Variants in RANBP2 observed in about 807,000 individuals in gnomAD.
The protein encoded by RANBP2 is RAN binding protein 2.
In RANBP2, 57 loss-of-function variants were observed where a neutral mutation model predicts 303.6. The ratio of observed to expected loss-of-function variants is 0.19; its 90% CI spans 0.15 to 0.23. RANBP2 has a LOEUF of 0.23. Among genes scored for constraint, RANBP2 ranks in the 10% least tolerant of loss-of-function variants. RANBP2 has a pLI of 1.00. For missense variants in RANBP2, 3,138 were observed against 3,780.8 expected (o/e 0.83, Z 4.46); for synonymous variants, 1,167 against 1,301.5 (o/e 0.90, Z 2.23).
chr2:108,923,077 T>C, the RANBP2 span, among the ~76,000 whole-genome samples: 6 of 152,336 alleles, frequency 3.9e-5, no homozygotes, highest in Admixed American at 2.0e-4. Flanking sequence ...CAGATGTTAG[T>C]ACCCCCATAT....
At chr2:108,960,030 C>T in the RANBP2 span, among the ~76,000 whole-genome samples, 6 of 152,284 alleles carry the variant, frequency 3.9e-5, no homozygotes, top group East Asian at 5.8e-4. Context: ...AACGTGGCCA[C>T]GGTGGCTCTG....
At chr2:109,604,976 T>C in the RANBP2 span, 1 of 152,176 alleles carries the variant, frequency 6.6e-6, no homozygotes, top group East Asian at 1.9e-4. Context: ...CAGCACAGGT[T>C]TGATGCAACT....
chr2:109,126,156 G>A, the RANBP2 span, among the ~76,000 whole-genome samples: 1 of 152,220 alleles, frequency 6.6e-6, no homozygotes, highest in Non-Finnish European at 1.5e-5. Flanking sequence ...TGTTGCCTGG[G>A]GTTCACCCTG....
At chr2:109,428,330 C>T in the RANBP2 span, among the ~76,000 whole-genome samples, 1 of 152,236 alleles carries the variant, frequency 6.6e-6, no homozygotes, top group Non-Finnish European at 1.5e-5. Flanking sequence ...AATCTGCAGA[C>T]AATTAGCAGC....
At chr2:109,564,441 T>C in the RANBP2 span, 2 of 1,599,470 alleles carry the variant, frequency 1.3e-6, no homozygotes. Context: ...AAGCTCATAG[T>C]GCCTGGTATG....
At chr2:109,499,477 C>T in the RANBP2 span, among the ~76,000 whole-genome samples, 4 of 152,326 alleles carry the variant, frequency 2.6e-5, no homozygotes, top group Admixed American at 1.3e-4. Flanking sequence ...ACTGCACAAT[C>T]CTCACCCACA....
the RANBP2 span, among the ~76,000 whole-genome samples, chr2:108,977,462 C>T: frequency 1.3e-5 from 2 of 152,074 alleles, no homozygotes; most frequent in Non-Finnish European, 2.9e-5. Flanking sequence ...AGTAGAGACG[C>T]GGTTTCACTG....
At chr2:109,365,810 A>C in the RANBP2 span, among the ~76,000 whole-genome samples, 258 of 152,350 alleles carry the variant, frequency 1.7e-3, no homozygotes, top group African/African-American at 5.9e-3. Context: ...CTTGTGAACT[A>C]TGATCCTGCC....
the RANBP2 span, among the ~76,000 whole-genome samples, chr2:108,794,327 G>T: frequency 6.6e-6 from 1 of 151,850 alleles, no homozygotes; most frequent in Non-Finnish European, 1.5e-5. Context: ...TTACAGAAAA[G>T]TTGCAAAGAT....
the RANBP2 span, among the ~76,000 whole-genome samples, chr2:109,420,252 C>G: frequency 6.6e-6 from 1 of 152,178 alleles, no homozygotes; most frequent in Non-Finnish European, 1.5e-5. Context: ...AAGAATTAGA[C>G]TCCCTTTTGC....
At chr2:109,437,075 C>G in the RANBP2 span, 1 of 1,613,726 alleles carries the variant, frequency 6.2e-7, no homozygotes, top group Non-Finnish European at 8.5e-7. Flanking sequence ...ACAGCCTCGC[C>G]CCCAACAGGC....
the RANBP2 span, among the ~76,000 whole-genome samples, chr2:109,306,369 C>G: frequency 6.6e-6 from 1 of 152,248 alleles, no homozygotes; most frequent in Non-Finnish European, 1.5e-5. Flanking sequence ...TCCAGCAGCA[C>G]CTGCAGAGTG....
At chr2:109,794,608 C>CGGCCG in the RANBP2 span, 3,565 of 193,430 alleles carry the variant, frequency 0.018, 343 homozygotes, top group Admixed American at 0.059. Context: ...GCGGCGGCGG[C>CGGCCG]GGGGGGGGCG....
chr2:109,078,104 A>G, the RANBP2 span, among the ~76,000 whole-genome samples: 41 of 88,396 alleles, frequency 4.6e-4, no homozygotes, highest in South Asian at 8.2e-4. Flanking sequence ...ATATATATAT[A>G]TATATATATA....
chr2:108,960,552 A>G, the RANBP2 span, among the ~76,000 whole-genome samples: 96 of 152,226 alleles, frequency 6.3e-4, no homozygotes, highest in African/African-American at 2.1e-3. Context: ...CCAGCAGAAA[A>G]GTGGACAACA....
the RANBP2 span, chr2:109,347,628 T>C: frequency 2.5e-6 from 4 of 1,591,064 alleles, no homozygotes; most frequent in Non-Finnish European, 2.6e-6. Flanking sequence ...TGTGGGGCAT[T>C]GGGAAGGGGC....
chr2:109,410,453 G>A, the RANBP2 span, among the ~76,000 whole-genome samples: 8 of 152,208 alleles, frequency 5.3e-5, no homozygotes, highest in South Asian at 2.1e-4. Flanking sequence ...CAGCATCAGC[G>A]TGCACGCTGT....
chr2:109,019,840 C>T, the RANBP2 span, among the ~76,000 whole-genome samples: 1 of 152,244 alleles, frequency 6.6e-6, no homozygotes. Context: ...CTCTGGGGTC[C>T]GGGGATTTGT....
At chr2:109,010,453 G>A in the RANBP2 span, among the ~76,000 whole-genome samples, 1 of 152,098 alleles carries the variant, frequency 6.6e-6, no homozygotes, top group Admixed American at 6.6e-5. Context: ...GTCAGCTTGG[G>A]CTGCTATGAT....
Sources: gnomAD v4.1 joint callset for allele counts (sites outside exome capture counted in the v4.1 genomes callset) on GRCh38, gnomAD v4.1.1 for gene constraint, MANE v1.5 for transcripts, NCBI Gene and HGNC (gene_info 2026-07-23, HGNC 2026-07-21) for gene names.